RNF20: variants seen among roughly 807,000 people sequenced by gnomAD.
RNF20 encodes the protein E3 ubiquitin-protein ligase BRE1A.
RNF20 carries 84 observed loss-of-function variants against 126.2 expected under a neutral mutation model. The observed-to-expected ratio is 0.67, with a 90% CI of 0.56 to 0.80. The LOEUF (loss-of-function observed/expected upper bound fraction) is 0.80, where lower values mean the gene tolerates loss of function less well. Ranked by LOEUF, RNF20 falls within the 30% of genes least tolerant of loss-of-function variation. The pLI is 0.00. For missense variants in RNF20, 869 were observed against 1,188.2 expected (o/e 0.73, Z 3.95); for synonymous variants, 400 against 414.3 (o/e 0.97, Z 0.42).
intron 11 of RNF20, 137 bp from the exon 12 acceptor site, chr9:101,552,004 T>C: frequency 7.4e-7 from 1 of 1,354,744 alleles, no homozygotes; most frequent in Non-Finnish European, 1.0e-6. Flanking sequence ...CAGTTTTGTT[T>C]TCATCTTCTG....
intron 7 of RNF20, 55 bp downstream of exon 7, chr9:101,547,021 G>C: frequency 6.2e-7 from 1 of 1,609,450 alleles, no homozygotes; most frequent in Non-Finnish European, 8.5e-7. Flanking sequence ...GTGTTCTCAG[G>C]AAGACTCACC....
At chr9:101,551,459 A>G (rs2118712658) in intron 10 of RNF20, among the ~76,000 whole-genome samples, 1 of 152,280 alleles carries the variant, frequency 6.6e-6, no homozygotes. Flanking sequence ...ATGTTTATAT[A>G]CTGTTTTATA....
chr9:101,557,855 T>C (rs1228796642), intron 16 of RNF20, among the ~76,000 whole-genome samples: 1 of 152,190 alleles, frequency 6.6e-6, no homozygotes, highest in Non-Finnish European at 1.5e-5. Context: ...CGTGTTTTGT[T>C]ATCCTTTTTG....
chr9:101,541,209 A>G (rs561270277), intron 5 of RNF20, among the ~76,000 whole-genome samples: 5 of 152,290 alleles, frequency 3.3e-5, no homozygotes, highest in East Asian at 3.9e-4. Context: ...AGCTAGGACT[A>G]TAGGCACGTA....
intron 16 of RNF20, among the ~76,000 whole-genome samples, chr9:101,558,716 T>G (rs1827577488): frequency 6.6e-6 from 1 of 152,238 alleles, no homozygotes; most frequent in African/African-American, 2.4e-5. Flanking sequence ...TTGAGAATTG[T>G]ATATTCATGT....
At chr9:101,552,857 GT>G in intron 13 of RNF20, 104 bp downstream of exon 13, 1 of 1,143,458 alleles carries the variant, frequency 8.7e-7, no homozygotes, top group Non-Finnish European at 1.2e-6. Context: ...TCGTTTTAAT[GT>G]TTTAGATTGT....
At chr9:101,548,479 C>A (rs772247096) in intron 9 of RNF20, among the ~76,000 whole-genome samples, 1 of 151,888 alleles carries the variant, frequency 6.6e-6, no homozygotes, top group African/African-American at 2.4e-5. Flanking sequence ...TTGCCACACA[C>A]GAAAAGATAA....
In RNF20 at chr9:101,562,790, A is replaced by C. The variant is rs149176227; in HGVS notation, c.*368A>C. 250 of 164,396 alleles carry C rather than the reference A, an allele frequency of 1.5e-3. 1 individual carries two copies. Among genetic ancestry groups the C allele is most frequent in the African/African-American group, 5.8e-3 (245 of 42,118 alleles). The allele number at this position is 164,396 out of a possible 1,614,324, so 10.2% of individuals were successfully genotyped here. On this transcript the variant is annotated 3_prime_UTR_variant, in exon 20 of 20. Transcript: ENST00000389120. ...TTGGTATTTTTGATGTGGAAAAGGG[A>C]ACAAAAGTGGAAACATGGCTACTTT... is the stretch of plus-strand genomic sequence containing the variant.
chr9:101,547,340 G>A (rs925267275), intron 8 of RNF20, 59 bp from the exon 9 acceptor site: 4 of 1,609,130 alleles, frequency 2.5e-6, no homozygotes, highest in Non-Finnish European at 8.5e-7. Flanking sequence ...AAGAAAGGAA[G>A]CTTAGAAATG....
chr9:101,535,593 T>G (rs770366501), intron 2 of RNF20, 41 bp downstream of exon 2: 1 of 1,579,954 alleles, frequency 6.3e-7, no homozygotes, highest in South Asian at 1.2e-5. Context: ...TTGTCTTCTG[T>G]CAGTTGCAAC....
At chr9:101,551,902 T>C in intron 11 of RNF20, 83 bp downstream of exon 11, 1 of 1,450,052 alleles carries the variant, frequency 6.9e-7, no homozygotes, top group Non-Finnish European at 9.3e-7. Context: ...GGTTTGTTAA[T>C]GCTGACTTCA....
At chr9:101,537,591 A>G (rs34727333) in intron 2 of RNF20, among the ~76,000 whole-genome samples, 22,246 of 152,188 alleles carry the variant, frequency 0.15, 1,781 homozygotes, top group East Asian at 0.23. Context: ...GAATAAGCAT[A>G]AAGAGGTCTG....
rs139773876 is a variant in RNF20, at chr9:101,542,954, T to G, written c.629-1813T>G. Among the ~76,000 whole-genome samples the G allele has an allele frequency of 5.6e-3, 853 of 152,328 alleles. 44 individuals carry two copies. Among genetic ancestry groups the G allele is most frequent in the Admixed American group, 0.051 (780 of 15,300 alleles). ...ATGAATTATAGCATCAGTTGTAACT[T>G]GTTTGAAAGTTCATCCCCCTGACTT... On this transcript the variant is annotated intron_variant, in intron 5 of 19. Coordinates refer to ENST00000389120, the MANE Select transcript of RNF20 (RefSeq NM_019592.7).
At position 101,561,098 on chromosome 9, in the gene RNF20, G is replaced by T; in HGVS notation, c.2517G>T (p.Glu839Asp). 6.2e-7 allele frequency: 1 copy of T among 1,613,710 alleles called. No homozygotes were observed. The highest frequency in any genetic ancestry group is 8.5e-7 in the Non-Finnish European group (1 of 1,179,794). Reference sequence around the variant, plus strand: ...TTGTACATCCTACATAGGCAATGGAGGCAGCCCAGCTTGCAGATGACCTCA... The same window carrying T: ...TTGTACATCCTACATAGGCAATGGATGCAGCCCAGCTTGCAGATGACCTCA... ...ALEMNKRKAM[E>D]AAQLADDLKA... Residue 839 changes from glutamate (E) to aspartate (D), a missense_variant, in exon 18 of 20, where the codon GAG (glutamate) becomes GAT (aspartate). Coordinates refer to ENST00000389120, the MANE Select transcript of RNF20 (RefSeq NM_019592.7).
chr9:101,539,760 G>C (rs1391561026), intron 2 of RNF20, among the ~76,000 whole-genome samples: 1 of 152,190 alleles, frequency 6.6e-6, no homozygotes, highest in East Asian at 1.9e-4. Context: ...CTAGATGCTA[G>C]AGGATTAGAT....
chr9:101,548,085 T>C (rs1260416034), intron 9 of RNF20, among the ~76,000 whole-genome samples: 1 of 152,016 alleles, frequency 6.6e-6, no homozygotes, highest in Non-Finnish European at 1.5e-5. Flanking sequence ...AAAAAAATTG[T>C]GAATAACCTT....
intron 15 of RNF20, 127 bp downstream of exon 15, chr9:101,554,970 G>A (rs957303789): frequency 1.7e-6 from 1 of 591,068 alleles, no homozygotes; most frequent in Non-Finnish European, 2.6e-6. Flanking sequence ...TTTCCTTTTT[G>A]TGTGTGTGTT....
chr9:101,551,082 G>T (rs1173908448), intron 10 of RNF20, among the ~76,000 whole-genome samples: 1 of 152,164 alleles, frequency 6.6e-6, no homozygotes, highest in African/African-American at 2.4e-5. Flanking sequence ...TTTGACTGTG[G>T]AAGTTTCCTG....
At chr9:101,552,011 T>A in intron 11 of RNF20, 130 bp from the exon 12 acceptor site, 1 of 1,374,228 alleles carries the variant, frequency 7.3e-7, no homozygotes, top group Non-Finnish European at 1.0e-6. Flanking sequence ...GTTTTCATCT[T>A]CTGAGAAGGA....
Sources: gnomAD v4.1 joint callset for allele counts (sites outside exome capture counted in the v4.1 genomes callset) on GRCh38, gnomAD v4.1.1 for gene constraint, MANE v1.5 for transcripts, NCBI Gene and HGNC (gene_info 2026-07-23, HGNC 2026-07-21) for gene names.